Variants in ZNF727 observed in about 807,000 individuals in gnomAD.
ZNF727 encodes the protein putative zinc finger protein 727.
Under a neutral mutation model 11.5 loss-of-function variants are expected in ZNF727, and 11 were observed. That is an observed-to-expected ratio of 0.95 (90% confidence interval 0.60 to 1.58). The LOEUF is 1.58. Among genes scored for constraint, ZNF727 ranks in the 40% most tolerant of loss-of-function variants. ZNF727 has a pLI of 0.00. For synonymous variants in ZNF727, 171 were observed against 196.1 expected (o/e 0.87, Z 1.07); for missense variants, 533 against 581.7 (o/e 0.92, Z 0.86).
chr7:64,054,512 CTCTG>C (rs1168637377), intron 1 of ZNF727, among the ~76,000 whole-genome samples: 1 of 152,132 alleles, frequency 6.6e-6, no homozygotes, highest in Admixed American at 6.5e-5. Context: ...AACATAGCTG[CTCTG>C]TCTGTTATTT....
chr7:64,059,329 A>G (rs1789735726), intron 1 of ZNF727, among the ~76,000 whole-genome samples: 1 of 152,222 alleles, frequency 6.6e-6, no homozygotes, highest in Admixed American at 6.5e-5. Context: ...AAAAGGTAGA[A>G]AAAATACAGT....
At position 64,080,454 on chromosome 7, in the gene ZNF727, G is replaced by A. The variant is rs1785768570; in HGVS notation, c.*1905G>A. Among the ~76,000 whole-genome samples, 1 of 151,998 alleles carries A rather than the reference G, an allele frequency of 6.6e-6. No individual in the cohort carries two copies. The highest frequency in any genetic ancestry group is 2.4e-5 in the African/African-American group (1 of 41,396). The stretch of plus-strand genomic sequence containing the variant: ...GGCCTATTCTTCTATTAACACTTGT[G>A]ATTACATTATAAAGGTTTTGTATTG... On this transcript the variant is annotated 3_prime_UTR_variant, in exon 4 of 4. Coordinates refer to ENST00000456806, the MANE Select transcript of ZNF727 (RefSeq NM_001159522.3).
intron 3 of ZNF727, among the ~76,000 whole-genome samples, chr7:64,070,403 G>A (rs900573750): frequency 1.3e-5 from 2 of 151,352 alleles, no homozygotes; most frequent in African/African-American, 4.8e-5. Context: ...ATTTTATTTA[G>A]TATAAAGCTT....
At chr7:64,045,944 G>A (rs1170268688) in intron 1 of ZNF727, among the ~76,000 whole-genome samples, 2 of 152,202 alleles carry the variant, frequency 1.3e-5, no homozygotes, top group Admixed American at 6.5e-5. Context: ...AGGGTCTGGA[G>A]TTCCTCCGTG....
chr7:64,056,135 T>A (rs1018530175), intron 1 of ZNF727, among the ~76,000 whole-genome samples: 3 of 152,222 alleles, frequency 2.0e-5, no homozygotes, highest in Non-Finnish European at 4.4e-5. Context: ...GATTTTTATA[T>A]TTATTTTATA....
rs117794458 is a variant in ZNF727 at position 64,081,068 on chromosome 7, C to T, written c.*2519C>T. 1.0e-3 allele frequency among the ~76,000 whole-genome samples: 154 copies of T among 151,964 alleles called. 2 individuals carry two copies. In the East Asian group the frequency reaches 0.028, roughly 27 times the overall value. ...ATTTGGAGTCTGCCACTCTGTGGGA[C>T]TAAGGTGCCACAGCTGCTGCAGAGT... is the stretch of plus-strand genomic sequence containing the variant. On this transcript the variant is annotated 3_prime_UTR_variant, in exon 4 of 4. Transcript: ENST00000456806.
intron 1 of ZNF727, among the ~76,000 whole-genome samples, chr7:64,047,370 C>T (rs149553747): frequency 6.6e-6 from 1 of 152,320 alleles, no homozygotes; most frequent in East Asian, 1.9e-4. Context: ...TTTTTAATTT[C>T]GTCTGTTCGT....
chr7:64,083,297 G>A lies in ZNF727; in HGVS notation c.*4748G>A, dbSNP rs562361971. On this transcript the variant is annotated 3_prime_UTR_variant, in exon 4 of 4. Transcript: ENST00000456806. ...AAGTTGCCCAAGAAGCAAAGATGGC[G>A]GCCCACTCCTCTTTCTGGTAGCTCC... Among the ~76,000 whole-genome samples, 5 of 152,132 alleles carry A rather than the reference G, an allele frequency of 3.3e-5. No homozygotes were observed. Among genetic ancestry groups the A allele is most frequent in the Non-Finnish European group, 1.5e-5 (1 of 68,022 alleles).
Position 64,068,964 on chromosome 7 carries a change from AG to A in ZNF727, c.78del (p.Gln26HisfsTer7), listed in dbSNP as rs748881655. 1.7e-5 allele frequency: 27 copies of A among 1,606,320 alleles called. 1 individual carries two copies. The highest frequency in any genetic ancestry group is 2.3e-5 in the Non-Finnish European group (27 of 1,175,876). Reference sequence around the variant, plus strand: ...TGGGAATGCCTGGACTCTGCTCAGCAGCGTTTGTATAGGGATGTGATGTTAG... The same window carrying A: ...TGGGAATGCCTGGACTCTGCTCAGCACGTTTGTATAGGGATGTGATGTTAG... ...EEWECLDSAQQRLYRDVMLEN... is the reference protein window; with the variant it reads ...EEWECLDSAQXRLYRDVMLEN... On this transcript the variant is annotated frameshift_variant, in exon 2 of 4. Coordinates refer to ENST00000456806, the MANE Select transcript of ZNF727 (RefSeq NM_001159522.3). LOFTEE classifies it high-confidence loss of function.
rs1233406616 is a variant in ZNF727, at chr7:64,078,117, T to G, written c.1068T>G (p.Ile356Met). Residue 356 changes from isoleucine (I) to methionine (M), a missense_variant, in exon 4 of 4, where the codon ATT (isoleucine) becomes ATG (methionine). Around this residue, in one of 3 missense-constraint regions of ZNF727, gnomAD observed 463 missense variants for 494.5 expected, o/e 0.94. Coordinates refer to ENST00000456806, the MANE Select transcript of ZNF727 (RefSeq NM_001159522.3). Reference sequence around the variant, plus strand: ...CCTTTACCTACTCCTCAACCCTTATTAGCCACAAGAGAATTCATATGGAAT... The same window carrying G: ...CCTTTACCTACTCCTCAACCCTTATGAGCCACAAGAGAATTCATATGGAAT... Reference protein sequence around the residue: ...GKAFTYSSTLISHKRIHMELR... With the variant: ...GKAFTYSSTLMSHKRIHMELR... 215 of 1,606,338 alleles carry G rather than the reference T, an allele frequency of 1.3e-4. No individual in the cohort carries two copies. Among genetic ancestry groups the G allele is most frequent in the Non-Finnish European group, 1.8e-4 (207 of 1,176,186 alleles).
chr7:64,055,429 T>C (rs1184775684), intron 1 of ZNF727, among the ~76,000 whole-genome samples: 1 of 138,232 alleles, frequency 7.2e-6, no homozygotes, highest in Non-Finnish European at 1.6e-5. Flanking sequence ...AAAAAAAAAG[T>C]GTACATAAAG....
At chr7:64,070,805 C>T (rs1011924997) in intron 3 of ZNF727, among the ~76,000 whole-genome samples, 5 of 151,992 alleles carry the variant, frequency 3.3e-5, no homozygotes, top group African/African-American at 1.2e-4. Flanking sequence ...CTAGCACTCA[C>T]CTCTATACTC....
At chr7:64,075,220 A>ATTTATATTG (rs1790022417) in intron 3 of ZNF727, among the ~76,000 whole-genome samples, 1 of 151,950 alleles carries the variant, frequency 6.6e-6, no homozygotes, top group African/African-American at 2.4e-5. Flanking sequence ...ATTGTACTGT[A>ATTTATATTG]TTTATATTGT....
At position 64,078,671 on chromosome 7, in the gene ZNF727, T is replaced by A; in HGVS notation, c.*122T>A. Reference sequence around the variant, plus strand: ...AGAAACCCTACATTTGTGAAGAATGTGGCAAAGCCTTTATCCGCTCCTCAA... The same window carrying A: ...AGAAACCCTACATTTGTGAAGAATGAGGCAAAGCCTTTATCCGCTCCTCAA... On this transcript the variant is annotated 3_prime_UTR_variant, in exon 4 of 4. Transcript: ENST00000456806. 7.6e-7 allele frequency: 1 copy of A among 1,321,060 alleles called. No individual in the cohort carries two copies. Among genetic ancestry groups the A allele is most frequent in the Non-Finnish European group, 1.1e-6 (1 of 922,244 alleles). The allele number at this position is 1,321,060 out of a possible 1,614,324, so 81.8% of individuals were successfully genotyped here. A position where few individuals can be genotyped will look rare whatever the true frequency, so the allele number is the denominator to read the frequency against.
At chr7:64,069,098 C>A in intron 2 of ZNF727, 81 bp downstream of exon 2, 1 of 1,404,510 alleles carries the variant, frequency 7.1e-7, no homozygotes, top group Non-Finnish European at 9.4e-7. Context: ...TTCTGCTTTG[C>A]ATAAATGAGT....
In ZNF727 at chr7:64,077,507, C is replaced by T. The variant is rs1785690136; in HGVS notation, c.458C>T (p.Ala153Val). 2.6e-6 allele frequency: 4 copies of T among 1,551,378 alleles called. No homozygotes were observed. Among genetic ancestry groups the T allele is most frequent in the Non-Finnish European group, 3.5e-6 (4 of 1,146,850 alleles). The change falls in exon 4 of 4, where the codon GCT (alanine) becomes GTT (valine). Residue 153 changes from alanine to valine, a missense_variant. This residue lies in a region of ZNF727 where 463 missense variants were observed against 494.5 expected (regional missense o/e 0.94). Coordinates refer to ENST00000456806, the MANE Select transcript of ZNF727 (RefSeq NM_001159522.3). ...TGTCAATATAATAAATGTGGCAAAG[C>T]TTTTGGGTTGTGCTCAATCTTCACT... The part of the protein sequence containing the change: ...KTCQYNKCGK[A>V]FGLCSIFTEH...
At chr7:64,047,216 A>G (rs976895265) in intron 1 of ZNF727, among the ~76,000 whole-genome samples, 4 of 152,210 alleles carry the variant, frequency 2.6e-5, no homozygotes, top group African/African-American at 9.6e-5. Context: ...AGAAAATTCT[A>G]CATTTCCAAT....
At chr7:64,066,894 A>G (rs1789878316) in intron 1 of ZNF727, among the ~76,000 whole-genome samples, 1 of 152,196 alleles carries the variant, frequency 6.6e-6, no homozygotes, top group South Asian at 2.1e-4. Context: ...AAATTTTGCA[A>G]TCTATCCATC....
Position 64,077,282 on chromosome 7 carries a change from C to T in ZNF727, c.233C>T (p.Ser78Phe), listed in dbSNP as rs1239531407. The T allele has an allele frequency of 2.0e-6, 3 of 1,489,406 alleles. No individual in the cohort carries two copies. Among genetic ancestry groups the T allele is most frequent in the East Asian group, 2.5e-5 (1 of 40,032 alleles). 92.3% of individuals were successfully genotyped at this position (1,489,406 alleles called of 1,614,324 possible). A position where few individuals can be genotyped will look rare whatever the true frequency, so the allele number is the denominator to read the frequency against. The part of the protein sequence containing the change: ...QKTVAKHPAG[S>F]LHFTAEILLE... The stretch of plus-strand genomic sequence containing the variant: ...GTTCTTTTTTTTTTTTCAGCTGGCT[C>T]TTTGCATTTTACTGCAGAGATATTG... The change falls in exon 4 of 4, where the codon TCT (serine) becomes TTT (phenylalanine). Residue 78 changes from serine (S) to phenylalanine (F), a missense_variant. Physicochemically the swap from Ser to Phe is radical, Grantham distance 155 (BLOSUM62 -2). This residue lies in a region of ZNF727 where 463 missense variants were observed against 494.5 expected (regional missense o/e 0.94). Transcript: ENST00000456806.
Sources: gnomAD v4.1 joint callset for allele counts (sites outside exome capture counted in the v4.1 genomes callset) on GRCh38, gnomAD v4.1.1 for gene constraint, gnomAD v4.1.1 regional missense constraint, MANE v1.5 for transcripts, NCBI Gene and HGNC (gene_info 2026-07-23, HGNC 2026-07-21) for gene names.